Variants in LBX2 observed in about 807,000 individuals in gnomAD.
LBX2 encodes ladybird homeobox 2, also known as transcription factor LBX2.
LBX2 carries 6 observed loss-of-function variants against 7.5 expected under a neutral mutation model. That is an observed-to-expected ratio of 0.80 (90% CI 0.44 to 1.59). LBX2 has a LOEUF of 1.59. Among genes scored for constraint, LBX2 ranks in the 40% most tolerant of loss-of-function variants. LBX2 has a pLI of 0.01. For synonymous variants in LBX2, 143 were observed against 133.2 expected (o/e 1.07, Z -0.51); for missense variants, 281 against 282.0 (o/e 1.00, Z 0.03).
chr2:74,497,588 TAA>T lies in LBX2; in HGVS notation c.*337_*338del. 1 of 209,124 alleles carries T rather than the reference TAA, an allele frequency of 4.8e-6. No homozygotes were observed. Among genetic ancestry groups the T allele is most frequent in the Non-Finnish European group, 9.4e-6 (1 of 106,666 alleles). 13.0% of individuals were successfully genotyped at this position (209,124 alleles called of 1,614,324 possible). A position where few individuals can be genotyped will look rare whatever the true frequency, so the allele number is the denominator to read the frequency against. On this transcript the variant is annotated 3_prime_UTR_variant, in exon 2 of 2. Transcript: ENST00000377566. The stretch of plus-strand genomic sequence containing the variant: ...GGACAACATAGCGGGACCTCCTCTC[TAA>T]AAAAAAAAGTTTTTTAAATTAGCCT...
rs540119208 is a variant in LBX2, at chr2:74,499,461, G to A, written c.77C>T (p.Pro26Leu). ...AAGCTGCGGCGCAGAGGGTGCTCGG[G>A]GGACCATGCGCGGGGCTAGGATGTC... is the stretch of plus-strand genomic sequence containing the variant. ...IADILAPRMV[P>L]RAPSAPQLPE... The change falls in exon 1 of 2, where the codon CCC becomes CTC. Residue 26 changes from proline to leucine, a missense_variant. Transcript: ENST00000377566. This position sits in a 1 kb window ranked among gnomAD's most constrained non-coding sequence, Gnocchi z 4.6. The A allele has an allele frequency of 2.7e-5, 42 of 1,550,582 alleles. No homozygotes were observed. The highest frequency in any genetic ancestry group is 3.9e-5 in the Admixed American group (2 of 51,014).
In LBX2 at chr2:74,498,229, C is replaced by T; in HGVS notation, c.295G>A (p.Glu99Lys). Reference sequence around the variant, plus strand: ...TGGAAGACGAAGCGCCGCTCCAGCTCCAGCACCTGTTGCGCGGTGAACGCA... The same window carrying T: ...TGGAAGACGAAGCGCCGCTCCAGCTTCAGCACCTGTTGCGCGGTGAACGCA... ...RTAFTAQQVL[E>K]LERRFVFQKY... is the part of the protein sequence containing the mutation. The change falls in exon 2 of 2, where the codon GAG (glutamate) becomes AAG (lysine). Residue 99 changes from glutamate to lysine, a missense_variant. This residue lies in a region of LBX2 where 216 missense variants were observed against 208.7 expected (regional missense o/e 1.03). Transcript: ENST00000377566. 4 of 1,608,186 alleles carry T rather than the reference C, an allele frequency of 2.5e-6. No homozygotes were observed. Among genetic ancestry groups the T allele is most frequent in the Non-Finnish European group, 2.5e-6 (3 of 1,179,132 alleles).
chr2:74,502,831 C>G (rs375023287), upstream of LBX2: 25 of 1,612,786 alleles, frequency 1.6e-5, no homozygotes, highest in African/African-American at 4.0e-5. The surrounding 1 kb of genome is among the most constrained non-coding windows in gnomAD (Gnocchi z 5.4). Flanking sequence ...CTCCCCAAGA[C>G]TCACTTCTAG....
upstream of LBX2, chr2:74,502,839 T>C: frequency 6.2e-7 from 1 of 1,606,240 alleles, no homozygotes; most frequent in Non-Finnish European, 8.5e-7. The surrounding 1 kb of genome is among the most constrained non-coding windows in gnomAD (Gnocchi z 5.4). Flanking sequence ...GACTCACTTC[T>C]AGGGAAGTCC....
upstream of LBX2, chr2:74,502,843 G>C: frequency 1.2e-6 from 2 of 1,605,256 alleles, no homozygotes; most frequent in Non-Finnish European, 1.7e-6. The surrounding 1 kb of genome is among the most constrained non-coding windows in gnomAD (Gnocchi z 5.4). Flanking sequence ...CACTTCTAGG[G>C]AAGTCCTTTT....
upstream of LBX2, among the ~76,000 whole-genome samples, chr2:74,501,181 A>C (rs1427422632): frequency 1.3e-5 from 2 of 152,106 alleles, no homozygotes; most frequent in African/African-American, 4.8e-5. Flanking sequence ...AACACACTTA[A>C]AGGCTGATGG....
In LBX2 at chr2:74,498,154, G is replaced by C. The variant is rs750618157; in HGVS notation, c.370C>G (p.Leu124Val). The C allele has an allele frequency of 6.2e-7, 1 of 1,612,408 alleles. No individual in the cohort carries two copies. Among genetic ancestry groups the C allele is most frequent in the Non-Finnish European group, 8.5e-7 (1 of 1,179,236 alleles). The change falls in exon 2 of 2, where the codon CTG becomes GTG. Residue 124 changes from leucine (L) to valine (V), a missense_variant. Around this residue, in one of 3 missense-constraint regions of LBX2, gnomAD observed 216 missense variants for 208.7 expected, o/e 1.03. Coordinates refer to ENST00000377566, the MANE Select transcript of LBX2 (RefSeq NM_001282430.2). ...ERDGLATRLG[L>V]ANAQVVTWFQ... ...CAAGTGACCACCTGCGCGTTGGCCA[G>C]GCCGAGTCGCGTAGCTAGCCCGTCT...
In LBX2 at chr2:74,499,450, A is replaced by G. The variant is rs963112528; in HGVS notation, c.88T>C (p.Ser30Pro). The change falls in exon 1 of 2, where the codon TCT becomes CCT. Residue 30 changes from serine to proline, a missense_variant. By Grantham distance (74) the Ser-to-Pro change is moderately conservative. Around this residue, in one of 3 missense-constraint regions of LBX2, gnomAD observed 216 missense variants for 208.7 expected, o/e 1.03. Transcript: ENST00000377566. The surrounding 1 kb of genome is among the most constrained non-coding windows in gnomAD (Gnocchi z 4.6). Reference sequence around the variant, plus strand: ...CCCGACTCTGGAAGCTGCGGCGCAGAGGGTGCTCGGGGGACCATGCGCGGG... The same window carrying G: ...CCCGACTCTGGAAGCTGCGGCGCAGGGGGTGCTCGGGGGACCATGCGCGGG... Reference protein sequence around the residue: ...LAPRMVPRAPSAPQLPESGPG... With the variant: ...LAPRMVPRAPPAPQLPESGPG... 3 of 1,550,560 alleles carry G rather than the reference A, an allele frequency of 1.9e-6. No homozygotes were observed. The highest frequency in any genetic ancestry group is 2.0e-5 in the Admixed American group (1 of 51,012).
At chr2:74,502,812 TC>T, upstream of LBX2, 1 of 1,613,474 alleles carries the variant, frequency 6.2e-7, no homozygotes, top group Non-Finnish European at 8.5e-7. This position sits in a 1 kb window ranked among gnomAD's most constrained non-coding sequence, Gnocchi z 5.4. Flanking sequence ...GACACTTTTC[TC>T]CCCCCAACTC....
At chr2:74,501,556 T>C (rs1674484643), upstream of LBX2, 1 of 152,248 alleles carries the variant, frequency 6.6e-6, no homozygotes, top group Non-Finnish European at 1.5e-5. Context: ...GCCCCTTCCA[T>C]CTCTCCCGCC....
intron 1 of LBX2, 28 bp from the exon 2 acceptor site, chr2:74,498,346 C>A (rs775155356): frequency 2.9e-5 from 43 of 1,473,308 alleles, no homozygotes; most frequent in Non-Finnish European, 3.8e-5. Context: ...GGGTCAGTTT[C>A]CAGCCTCCGG....
intron 1 of LBX2, chr2:74,498,816 G>A (rs1674420832): frequency 5.2e-6 from 1 of 191,964 alleles, no homozygotes; most frequent in Non-Finnish European, 1.1e-5. Context: ...CGGCCCCAAA[G>A]GGAGATAATG....
chr2:74,502,455 A>G, upstream of LBX2: 1 of 586,124 alleles, frequency 1.7e-6, no homozygotes, highest in East Asian at 2.9e-5. This position sits in a 1 kb window ranked among gnomAD's most constrained non-coding sequence, Gnocchi z 5.4. Flanking sequence ...GTGGACAAGG[A>G]CAATCTCAGC....
At chr2:74,502,929 A>C (rs1333176442), upstream of LBX2, 17 of 1,351,294 alleles carry the variant, frequency 1.3e-5, no homozygotes, top group Middle Eastern at 1.9e-4. The surrounding 1 kb of genome is among the most constrained non-coding windows in gnomAD (Gnocchi z 5.4). Flanking sequence ...GCGGGAGCAA[A>C]TCCTGGTGCT....
At position 74,498,309 on chromosome 2, in the gene LBX2, C is replaced by A; in HGVS notation, c.215G>T (p.Gly72Val). The A allele has an allele frequency of 6.5e-7, 1 of 1,539,116 alleles. No individual in the cohort carries two copies. Among genetic ancestry groups the A allele is most frequent in the Non-Finnish European group, 8.7e-7 (1 of 1,146,030 alleles). The change falls in exon 2 of 2, where the codon GGT becomes GTT. Residue 72 changes from glycine (G) to valine (V), a missense_variant. Around this residue, in one of 3 missense-constraint regions of LBX2, gnomAD observed 216 missense variants for 208.7 expected, o/e 1.03. Transcript: ENST00000377566. ...RALQPSEGRA[G>V]PDALGPGPFG... ...GGGACCAGGGCCCAGCGCGTCCGGA[C>A]CTGCCCGCCCTGTAGGGATAGGGAG...
upstream of LBX2, chr2:74,499,657 C>T: frequency 1.8e-6 from 2 of 1,105,124 alleles, no homozygotes; most frequent in South Asian, 1.6e-5. This position sits in a 1 kb window ranked among gnomAD's most constrained non-coding sequence, Gnocchi z 4.6. Flanking sequence ...GCTCTGGGCC[C>T]GAGTCCCGTG....
At position 74,497,898 on chromosome 2, in the gene LBX2, A is replaced by G. The variant is rs369339716; in HGVS notation, c.*29T>C. ...CGCGAGGTGAGGAGTCCAGGGCCCC[A>G]GAGCCCAGGATTGGCGGCGGCTTTG... On this transcript the variant is annotated 3_prime_UTR_variant, in exon 2 of 2. Coordinates refer to ENST00000377566, the MANE Select transcript of LBX2 (RefSeq NM_001282430.2). 6.6e-7 allele frequency: 1 copy of G among 1,518,328 alleles called. No individual in the cohort carries two copies. Among genetic ancestry groups the G allele is most frequent in the Non-Finnish European group, 8.8e-7 (1 of 1,132,276 alleles). 94.1% of individuals were successfully genotyped at this position (1,518,328 alleles called of 1,614,324 possible).
At chr2:74,500,562 A>G (rs1674464479), upstream of LBX2, among the ~76,000 whole-genome samples, 2 of 152,186 alleles carry the variant, frequency 1.3e-5, no homozygotes, top group Non-Finnish European at 2.9e-5. Context: ...CTGACAACCC[A>G]GGTACTAACT....
upstream of LBX2, chr2:74,503,080 T>TG: frequency 2.0e-6 from 1 of 504,160 alleles, no homozygotes; most frequent in South Asian, 3.1e-5. This position sits in a 1 kb window ranked among gnomAD's most constrained non-coding sequence, Gnocchi z 5.1. Context: ...GACGGCGCCC[T>TG]GGGGTGGTCC....
Sources: allele counts gnomAD v4.1 joint callset (sites outside exome capture counted in the v4.1 genomes callset), GRCh38; gene constraint gnomAD v4.1.1; regional missense constraint gnomAD v4.1.1; non-coding constraint Gnocchi (gnomAD v3.1); transcripts MANE v1.5; gene names NCBI Gene and HGNC (gene_info 2026-07-23, HGNC 2026-07-21).